The following HCN1 variants were observed in gnomAD, a reference collection of about 807,000 sequenced individuals.
HCN1 encodes the protein hyperpolarization activated cyclic nucleotide gated potassium channel 1.
In HCN1, 13 loss-of-function variants were observed where a neutral mutation model predicts 78.9. The ratio of observed to expected loss-of-function variants is 0.16; its 90% confidence interval spans 0.11 to 0.26. The LOEUF (loss-of-function observed/expected upper bound fraction) is 0.26. Ranked by LOEUF, HCN1 falls within the 10% of genes least tolerant of loss-of-function variation. HCN1 has a pLI of 1.00. For synonymous variants in HCN1, 552 were observed against 455.5 expected, an observed-to-expected ratio of 1.21 and a Z score of -2.70; for missense variants, 810 against 1,154.3, an observed-to-expected ratio of 0.70 and a Z score of 4.32.
intron 2 of HCN1, among the ~76,000 whole-genome samples, chr5:45,539,886 A>G (rs1743058243): frequency 6.9e-6 from 1 of 145,070 alleles, no homozygotes; most frequent in South Asian, 2.1e-4. Flanking sequence ...TTGCATAAAC[A>G]GCATAAGGAA....
chr5:45,511,095 C>T (rs1318319939), intron 2 of HCN1, among the ~76,000 whole-genome samples: 1 of 151,942 alleles, frequency 6.6e-6, no homozygotes, highest in African/African-American at 2.4e-5. Flanking sequence ...AATGAGTATA[C>T]CCAGTACCTA....
At position 45,599,195 on chromosome 5, in the gene HCN1, G is replaced by C. The variant is rs527785995; in HGVS notation, c.849+45990C>G. ...CAATGCTAGACTGGAGTAAGAAAAT[G>C]TGGCATGTGTACACCATGGAATACT... is the stretch of plus-strand genomic sequence containing the variant. On this transcript the variant is annotated intron_variant, in intron 2 of 7. Coordinates refer to ENST00000303230, the MANE Select transcript of HCN1 (RefSeq NM_021072.4). Among the ~76,000 whole-genome samples, 431 of 152,298 alleles carry C rather than the reference G, an allele frequency of 2.8e-3. 1 individual carries two copies. The highest frequency in any genetic ancestry group is 4.7e-3 in the Non-Finnish European group (318 of 68,036).
At chr5:45,473,808 T>C (rs900500454) in intron 2 of HCN1, among the ~76,000 whole-genome samples, 3 of 151,870 alleles carry the variant, frequency 2.0e-5, no homozygotes, top group Non-Finnish European at 2.9e-5. Context: ...TTATCATGCA[T>C]TCAACTTTTA....
chr5:45,326,777 A>G (rs941419584), intron 5 of HCN1, among the ~76,000 whole-genome samples: 6 of 151,614 alleles, frequency 4.0e-5, no homozygotes, highest in Non-Finnish European at 1.5e-5. Flanking sequence ...TTTGGCCCTG[A>G]GGTATTTAAT....
intron 3 of HCN1, among the ~76,000 whole-genome samples, chr5:45,433,027 A>G (rs1310561743): frequency 6.6e-6 from 1 of 152,098 alleles, no homozygotes. Context: ...ACGCAGTATC[A>G]TGAGAACAGC....
intron 3 of HCN1, among the ~76,000 whole-genome samples, chr5:45,435,023 C>G (rs1561153865): frequency 6.6e-6 from 1 of 151,816 alleles, no homozygotes; most frequent in East Asian, 1.9e-4. Flanking sequence ...GGCACAAAGT[C>G]AAAGCTAATT....
intron 2 of HCN1, among the ~76,000 whole-genome samples, chr5:45,474,509 C>T (rs560878223): frequency 2.1e-4 from 32 of 151,952 alleles, no homozygotes; most frequent in Admixed American, 5.9e-4. Context: ...CTCACTTATC[C>T]TGCAATTGGA....
At chr5:45,290,917 A>T (rs1460291627) in intron 6 of HCN1, among the ~76,000 whole-genome samples, 1 of 152,092 alleles carries the variant, frequency 6.6e-6, no homozygotes, top group East Asian at 1.9e-4. Context: ...GTACAGCTTT[A>T]ATTTGGTTTC....
chr5:45,580,681 C>T (rs1046558396), intron 2 of HCN1, among the ~76,000 whole-genome samples: 12 of 152,018 alleles, frequency 7.9e-5, no homozygotes, highest in African/African-American at 2.9e-4. Flanking sequence ...AATGCTATTT[C>T]TCTCCCCTCC....
chr5:45,352,738 A>T (rs1019916246), intron 5 of HCN1, among the ~76,000 whole-genome samples: 2 of 151,964 alleles, frequency 1.3e-5, no homozygotes, highest in Admixed American at 1.3e-4. Context: ...ATCAGGGTCC[A>T]TGAGATGATC....
chr5:45,640,006 T>G (rs535040955), intron 2 of HCN1, among the ~76,000 whole-genome samples: 13 of 152,304 alleles, frequency 8.5e-5, no homozygotes, highest in Admixed American at 5.2e-4. Flanking sequence ...CTCTTCTCCC[T>G]GGTCCACTTG....
At position 45,677,449 on chromosome 5, in the gene HCN1, A is replaced by G. The variant is rs533624321; in HGVS notation, c.425+18220T>C. Among the ~76,000 whole-genome samples, 7 of 151,902 alleles carry G rather than the reference A, an allele frequency of 4.6e-5. No individual in the cohort carries two copies. The South Asian group carries it at 1.0e-3, about 22-fold the overall frequency. ...GAGAAGCAGTGTGCAGACATGTAGG[A>G]AAACAATCCAAAGAGAAAAGAAACA... On this transcript the variant is annotated intron_variant, in intron 1 of 7. Transcript: ENST00000303230.
intron 5 of HCN1, among the ~76,000 whole-genome samples, chr5:45,312,099 A>G (rs1745862029): frequency 6.6e-6 from 1 of 152,174 alleles, no homozygotes; most frequent in Non-Finnish European, 1.5e-5. Flanking sequence ...TGTTTCTGGG[A>G]TCCACCTTTC....
chr5:45,442,256 T>C (rs1740692929), intron 3 of HCN1, among the ~76,000 whole-genome samples: 1 of 152,146 alleles, frequency 6.6e-6, no homozygotes, highest in African/African-American at 2.4e-5. Flanking sequence ...TCACTGATTT[T>C]TCTTCCCTTT....
At chr5:45,461,781 A>C (rs1561164014) in intron 3 of HCN1, 65 bp downstream of exon 3, 3 of 1,337,060 alleles carry the variant, frequency 2.2e-6, no homozygotes, top group Non-Finnish European at 3.2e-6. Context: ...ATTGTAACAT[A>C]ATTACTTAAA....
intron 5 of HCN1, among the ~76,000 whole-genome samples, chr5:45,306,326 T>C (rs770724175): frequency 2.6e-5 from 4 of 152,134 alleles, no homozygotes; most frequent in Admixed American, 6.6e-5. Context: ...GAATTATATT[T>C]GATAAGCAAT....
At chr5:45,559,417 A>G (rs1033897403) in intron 2 of HCN1, 6 of 152,242 alleles carry the variant, frequency 3.9e-5, no homozygotes. Flanking sequence ...GATGTCATTA[A>G]GAACATCTGT....
chr5:45,259,167 T>A lies in HCN1; in HGVS notation c.*2754A>T, dbSNP rs1744680298. 6.6e-6 allele frequency: 1 copy of A among 151,992 alleles called. No homozygotes were observed. 9.4% of individuals were successfully genotyped at this position (151,992 alleles called of 1,614,324 possible). A position where few individuals can be genotyped will look rare whatever the true frequency, so the allele number is the denominator to read the frequency against. On this transcript the variant is annotated 3_prime_UTR_variant, in exon 8 of 8. Transcript: ENST00000303230. The stretch of plus-strand genomic sequence containing the variant: ...ATAAGCTCTTGGAAATTTTATGATG[T>A]AAAAATAGAGGCAAAGCTGTACTCA...
chr5:45,441,647 T>C (rs1446412341), intron 3 of HCN1, among the ~76,000 whole-genome samples: 11 of 152,218 alleles, frequency 7.2e-5, no homozygotes, highest in African/African-American at 2.4e-4. Context: ...ATTTTATCAC[T>C]GACATGTGGA....
Sources: allele counts gnomAD v4.1 joint callset (sites outside exome capture counted in the v4.1 genomes callset), GRCh38; gene constraint gnomAD v4.1.1; transcripts MANE v1.5; gene names NCBI Gene and HGNC (gene_info 2026-07-23, HGNC 2026-07-21).